The following PREX1 variants were observed in gnomAD, a reference collection of about 807,000 sequenced individuals.
The protein encoded by PREX1 is phosphatidylinositol 3,4,5-trisphosphate-dependent Rac exchanger 1 protein.
In PREX1, 41 loss-of-function variants were observed where a neutral mutation model predicts 198.3. The ratio of observed to expected loss-of-function variants is 0.21; its 90% confidence interval spans 0.16 to 0.27. The LOEUF is 0.27. Among genes scored for constraint, PREX1 ranks in the 10% least tolerant of loss-of-function variants. The pLI is 1.00. For synonymous variants in PREX1, 843 were observed against 887.2 expected, an observed-to-expected ratio of 0.95 and a Z score of 0.89; for missense variants, 1,620 against 2,200.7, an observed-to-expected ratio of 0.74 and a Z score of 5.28.
rs2090515230 is a variant in PREX1 at position 48,827,557 on chromosome 20, G to A, written c.219+85C>T. ...CCCCCGAGGCAATTCTCCACCCACGGGGACCACGGCCACAGGTTGTGGGGA... is the reference window on the plus strand; with the variant it reads ...CCCCCGAGGCAATTCTCCACCCACGAGGACCACGGCCACAGGTTGTGGGGA... On this transcript the variant is annotated intron_variant, in intron 1 of 39. Transcript: ENST00000371941. The surrounding 1 kb of genome is among the most constrained non-coding windows in gnomAD (Gnocchi z 4.1). 4.8e-6 allele frequency: 5 copies of A among 1,039,428 alleles called. No homozygotes were observed. Among genetic ancestry groups the A allele is most frequent in the East Asian group, 4.0e-5 (1 of 25,286 alleles). 64.4% of individuals were successfully genotyped at this position (1,039,428 alleles called of 1,614,324 possible). A position where few individuals can be genotyped will look rare whatever the true frequency, so the allele number is the denominator to read the frequency against.
chr20:48,881,434 T>A, the PREX1 span, among the ~76,000 whole-genome samples: 1 of 152,146 alleles, frequency 6.6e-6, no homozygotes, highest in African/African-American at 2.4e-5. Context: ...CTACTGTCCT[T>A]ATTTATTAAC....
intron 17 of PREX1, among the ~76,000 whole-genome samples, chr20:48,657,411 G>T (rs2089553531): frequency 6.6e-6 from 1 of 152,230 alleles, no homozygotes; most frequent in South Asian, 2.1e-4. Context: ...GCTGGGAAAG[G>T]TATTCCTCCT....
intron 14 of PREX1, among the ~76,000 whole-genome samples, chr20:48,670,390 T>C (rs1203517741): frequency 2.6e-5 from 4 of 150,964 alleles, no homozygotes; most frequent in Non-Finnish European, 5.9e-5. Flanking sequence ...TCCAGGTGCA[T>C]TTCTGCAGAG....
chr20:48,778,551 C>T (rs1334325362), intron 1 of PREX1, among the ~76,000 whole-genome samples: 1 of 151,768 alleles, frequency 6.6e-6, no homozygotes, highest in South Asian at 2.1e-4. Context: ...GATGGTGCCA[C>T]TGTACTCCAG....
At chr20:48,670,816 C>CA (rs1311767390) in intron 14 of PREX1, among the ~76,000 whole-genome samples, 8 of 152,196 alleles carry the variant, frequency 5.3e-5, no homozygotes, top group Admixed American at 5.2e-4. Context: ...GGCATCAGGA[C>CA]AACCCCTGCC....
intron 14 of PREX1, among the ~76,000 whole-genome samples, chr20:48,668,626 G>A (rs1601061991): frequency 6.6e-6 from 1 of 152,200 alleles, no homozygotes; most frequent in Non-Finnish European, 1.5e-5. Flanking sequence ...GCAGGACTCA[G>A]CCCTGGGCAG....
At chr20:48,631,884 G>A (rs968224696) in intron 35 of PREX1, among the ~76,000 whole-genome samples, 21 of 152,092 alleles carry the variant, frequency 1.4e-4, no homozygotes, top group Non-Finnish European at 2.5e-4. Context: ...GACCCTGGGA[G>A]CCGCACCCCT....
intron 39 of PREX1, among the ~76,000 whole-genome samples, chr20:48,626,527 C>G (rs1475447984): frequency 6.6e-6 from 1 of 152,258 alleles, no homozygotes; most frequent in South Asian, 2.1e-4. Context: ...CCGGACTTGG[C>G]TCACAGGGCA....
chr20:48,713,766 G>A (rs1233828992), intron 5 of PREX1, among the ~76,000 whole-genome samples: 2 of 149,112 alleles, frequency 1.3e-5, no homozygotes, highest in Admixed American at 6.7e-5. Context: ...AAAAGAGAGA[G>A]AGAGATAGGT....
intron 1 of PREX1, among the ~76,000 whole-genome samples, chr20:48,826,069 A>C (rs2090507436): frequency 6.6e-6 from 1 of 151,702 alleles, no homozygotes; most frequent in African/African-American, 2.4e-5. Flanking sequence ...CCTGAGCTGG[A>C]ACTCTGATCT....
chr20:48,660,093 A>C (rs564564399), intron 15 of PREX1, 32 bp from the exon 16 acceptor site: 32 of 1,598,540 alleles, frequency 2.0e-5, no homozygotes, highest in Middle Eastern at 1.7e-4. Context: ...CTCAGTGGTC[A>C]GATTCACAGG....
At chr20:48,847,365 A>T in the PREX1 span, among the ~76,000 whole-genome samples, 1,327 of 91,954 alleles carry the variant, frequency 0.014, 19 homozygotes, top group African/African-American at 0.047. Flanking sequence ...CTTCTCTTAT[A>T]AAAAAAAAAA....
At chr20:48,880,981 TAAA>T in the PREX1 span, among the ~76,000 whole-genome samples, 167 of 20,960 alleles carry the variant, frequency 8.0e-3, 1 homozygote, top group African/African-American at 0.031. Context: ...AAACCATTGC[TAAA>T]AAAAAAAAAA....
the PREX1 span, among the ~76,000 whole-genome samples, chr20:48,878,591 G>A: frequency 6.6e-6 from 1 of 152,170 alleles, no homozygotes; most frequent in African/African-American, 2.4e-5. Flanking sequence ...ATCCGCCTCA[G>A]CCTCCCAAAG....
chr20:48,870,137 T>A, the PREX1 span, among the ~76,000 whole-genome samples: 1 of 152,226 alleles, frequency 6.6e-6, no homozygotes, highest in East Asian at 1.9e-4. Context: ...TTCTAATATG[T>A]AAGGAATTTG....
chr20:48,749,608 C>T (rs536898927), intron 1 of PREX1, among the ~76,000 whole-genome samples: 2 of 152,300 alleles, frequency 1.3e-5, no homozygotes, highest in African/African-American at 4.8e-5. Flanking sequence ...TCCATGCCTG[C>T]CCCCGGGAGC....
rs1555829157 is a variant in PREX1, at chr20:48,634,168, A to ATGGATGGATGGACAGACGGATGAT, written c.4267+507_4267+508insATCATCCGTCTGTCCATCCATCCA. 4.1e-3 allele frequency among the ~76,000 whole-genome samples: 438 copies of ATGGATGGATGGACAGACGGATGAT among 107,874 alleles called. 6 individuals carry two copies. Among genetic ancestry groups the ATGGATGGATGGACAGACGGATGAT allele is most frequent in the South Asian group, 0.028 (77 of 2,752 alleles). 70.8% of individuals were successfully genotyped at this position (107,874 alleles called of 152,430 possible). ...GGTGGATGGATGGATGGATGGATGG[A>ATGGATGGATGGACAGACGGATGAT]TGGATGCATGGATGGATGGATGGAT... On this transcript the variant is annotated intron_variant, in intron 33 of 39. Coordinates refer to ENST00000371941, the MANE Select transcript of PREX1 (RefSeq NM_020820.4).
At position 48,644,399 on chromosome 20, in the gene PREX1, C is replaced by A. The variant is rs765141285; in HGVS notation, c.3601+10G>T. 6.2e-7 allele frequency: 1 copy of A among 1,611,082 alleles called. No homozygotes were observed. Among genetic ancestry groups the A allele is most frequent in the East Asian group, 2.2e-5 (1 of 44,820 alleles). ...TCTCCCTGAGCACAGGCCGCTGCCA[C>A]TCCACTCACCAGACCCCATCTCGTC... On this transcript the variant is annotated intron_variant, in intron 27 of 39. Transcript: ENST00000371941.
chr20:48,793,587 G>T, intron 1 of PREX1, among the ~76,000 whole-genome samples: 1 of 152,228 alleles, frequency 6.6e-6, no homozygotes, highest in East Asian at 1.9e-4. Flanking sequence ...AAGTTAGGGG[G>T]AGAGGGTTAC....
Sources: allele counts gnomAD v4.1 joint callset (sites outside exome capture counted in the v4.1 genomes callset), GRCh38; gene constraint gnomAD v4.1.1; non-coding constraint Gnocchi (gnomAD v3.1); transcripts MANE v1.5; gene names NCBI Gene and HGNC (gene_info 2026-07-23, HGNC 2026-07-21).